L3MBTL3: variants seen among roughly 807,000 people sequenced by gnomAD.
L3MBTL3 encodes the protein lethal(3)malignant brain tumor-like protein 3.
Under a neutral mutation model 102.3 loss-of-function variants are expected in L3MBTL3, and 27 were observed. That is an observed-to-expected ratio of 0.26 (90% CI 0.19 to 0.36). L3MBTL3 has a LOEUF of 0.36. Ranked by LOEUF, L3MBTL3 falls within the 10% of genes least tolerant of loss-of-function variation. L3MBTL3 has a pLI of 1.00. For missense variants in L3MBTL3, 798 were observed against 955.3 expected (o/e 0.84, Z 2.17); for synonymous variants, 340 against 320.9 (o/e 1.06, Z -0.64).
chr6:130,085,625 A>G (rs537576360), intron 15 of L3MBTL3, among the ~76,000 whole-genome samples: 25 of 152,292 alleles, frequency 1.6e-4, no homozygotes, highest in African/African-American at 5.5e-4. Flanking sequence ...GCTACTCTGG[A>G]AAGTTGAGAA....
At chr6:130,019,613 GCACACGCACACT>G (rs1350906833) in intron 1 of L3MBTL3, 3 of 150,776 alleles carry the variant, frequency 2.0e-5, no homozygotes, top group Non-Finnish European at 3.0e-5. Context: ...CTCCCACCGC[GCACACGCACACT>G]CACACGCACG....
At chr6:130,126,889 A>G (rs1464538083) in intron 20 of L3MBTL3, among the ~76,000 whole-genome samples, 5 of 152,172 alleles carry the variant, frequency 3.3e-5, no homozygotes, top group Non-Finnish European at 5.9e-5. Context: ...CTCAAGTCCA[A>G]TGGTTGAAGC....
At position 130,032,330 on chromosome 6, in the gene L3MBTL3, T is replaced by A. The variant is rs374778931; in HGVS notation, c.-16+10025T>A. Among the ~76,000 whole-genome samples the A allele has an allele frequency of 1.1e-4, 16 of 152,300 alleles. No homozygotes were observed. The East Asian group carries it at 1.9e-3, about 18-fold the overall frequency. ...AGCGTCTGCTGTTGTGTGTCTGTAG[T>A]CCCAGCTGCTCTAGAGGCTGAGGCG... On this transcript the variant is annotated intron_variant, in intron 2 of 22. Coordinates refer to ENST00000361794, the MANE Select transcript of L3MBTL3 (RefSeq NM_032438.4).
intron 16 of L3MBTL3, among the ~76,000 whole-genome samples, chr6:130,086,630 C>G (rs1282933138): frequency 6.6e-5 from 10 of 152,008 alleles, no homozygotes; most frequent in Non-Finnish European, 1.2e-4. Flanking sequence ...AGAGGAACAT[C>G]CTATCTCAAT....
chr6:130,110,563 G>A (rs1292550257), intron 19 of L3MBTL3, among the ~76,000 whole-genome samples: 1 of 152,224 alleles, frequency 6.6e-6, no homozygotes, highest in Non-Finnish European at 1.5e-5. Flanking sequence ...AGACTTTGCT[G>A]AAGTTGCTTA....
chr6:130,088,612 G>C (rs1783839687), intron 16 of L3MBTL3, among the ~76,000 whole-genome samples: 1 of 152,084 alleles, frequency 6.6e-6, no homozygotes, highest in Non-Finnish European at 1.5e-5. Context: ...GCCTAGAATG[G>C]TTTTGCTCTC....
At chr6:130,075,275 C>T (rs1304790336) in intron 13 of L3MBTL3, among the ~76,000 whole-genome samples, 2 of 152,182 alleles carry the variant, frequency 1.3e-5, no homozygotes, top group African/African-American at 4.8e-5. Context: ...GAGGGAAGGA[C>T]TGACTCAAGC....
intron 11 of L3MBTL3, among the ~76,000 whole-genome samples, chr6:130,067,272 C>A (rs951073031): frequency 6.6e-6 from 1 of 152,106 alleles, no homozygotes; most frequent in African/African-American, 2.4e-5. Flanking sequence ...TGCCACCATG[C>A]CTGGCTGATT....
intron 5 of L3MBTL3, among the ~76,000 whole-genome samples, chr6:130,050,506 T>C (rs1393643472): frequency 1.3e-5 from 2 of 152,248 alleles, no homozygotes; most frequent in African/African-American, 2.4e-5. Context: ...CAGAAAATCC[T>C]TCTCTGACCT....
At chr6:130,040,307 G>A (rs1240372463) in intron 2 of L3MBTL3, among the ~76,000 whole-genome samples, 3 of 148,678 alleles carry the variant, frequency 2.0e-5, no homozygotes, top group Non-Finnish European at 4.4e-5. Context: ...CTCCAGCCTG[G>A]ACGACAACAG....
At chr6:130,110,933 C>G (rs1785311146) in intron 19 of L3MBTL3, among the ~76,000 whole-genome samples, 1 of 152,142 alleles carries the variant, frequency 6.6e-6, no homozygotes, top group African/African-American at 2.4e-5. Flanking sequence ...GCAAGAGATT[C>G]CCTTAATATC....
chr6:130,048,420 T>C (rs1372505762), intron 3 of L3MBTL3, among the ~76,000 whole-genome samples: 1 of 152,196 alleles, frequency 6.6e-6, no homozygotes, highest in Non-Finnish European at 1.5e-5. Flanking sequence ...AACCTCACTG[T>C]TTCAGAGAGA....
intron 10 of L3MBTL3, among the ~76,000 whole-genome samples, chr6:130,061,946 T>C (rs1483303490): frequency 1.3e-5 from 2 of 152,168 alleles, no homozygotes; most frequent in Non-Finnish European, 2.9e-5. Context: ...GTGGTTGTTC[T>C]CAAGGAGCAT....
intron 5 of L3MBTL3, 86 bp downstream of exon 5, chr6:130,049,916 C>T (rs1230140214): frequency 1.3e-6 from 2 of 1,486,900 alleles, no homozygotes; most frequent in African/African-American, 2.8e-5. Flanking sequence ...CTTCCCTAAC[C>T]CATATTTCAG....
intron 18 of L3MBTL3, among the ~76,000 whole-genome samples, chr6:130,100,151 G>A (rs977555860): frequency 5.3e-5 from 8 of 152,004 alleles, no homozygotes; most frequent in Non-Finnish European, 1.2e-4. Flanking sequence ...CTACTTCTTA[G>A]GATTGTGAGA....
intron 6 of L3MBTL3, among the ~76,000 whole-genome samples, chr6:130,051,637 C>T (rs1452008526): frequency 6.6e-6 from 1 of 152,240 alleles, no homozygotes; most frequent in Non-Finnish European, 1.5e-5. Flanking sequence ...AAAACAGCCT[C>T]TGCCTCTGCC....
At chr6:130,084,410 T>C (rs1783548534) in intron 15 of L3MBTL3, among the ~76,000 whole-genome samples, 1 of 152,188 alleles carries the variant, frequency 6.6e-6, no homozygotes, top group Non-Finnish European at 1.5e-5. Flanking sequence ...TAATTTTCTT[T>C]AAGACATCCT....
chr6:130,074,907 C>T (rs1476918803), intron 13 of L3MBTL3, among the ~76,000 whole-genome samples: 1 of 152,118 alleles, frequency 6.6e-6, no homozygotes, highest in Non-Finnish European at 1.5e-5. Context: ...TTCCTGATTG[C>T]CTGTAAGTGT....
At position 130,092,835 on chromosome 6, in the gene L3MBTL3, G is replaced by A; in HGVS notation, c.1609G>A (p.Gly537Arg). ...IHPVGWCSKT[G>R]HPLQPPLSPL... ...CCCTGTAGGCTGGTGTTCAAAAACA[G>A]GACATCCCCTTCAGCCTCCTTTGAG... Residue 537 changes from glycine to arginine, a missense_variant, in exon 17 of 23, where the codon GGA becomes AGA. Gly to Arg is a moderately radical substitution (Grantham distance 125). Transcript: ENST00000361794. 6.2e-7 allele frequency: 1 copy of A among 1,609,384 alleles called. No individual in the cohort carries two copies.
Sources: gnomAD v4.1 joint callset for allele counts (sites outside exome capture counted in the v4.1 genomes callset) on GRCh38, gnomAD v4.1.1 for gene constraint, MANE v1.5 for transcripts, NCBI Gene and HGNC (gene_info 2026-07-23, HGNC 2026-07-21) for gene names.